Variants in CNTNAP2 observed in about 807,000 individuals in gnomAD.
The protein encoded by CNTNAP2 is contactin-associated protein-like 2.
CNTNAP2 carries 98 observed loss-of-function variants against 155.2 expected under a neutral mutation model. The ratio of observed to expected loss-of-function variants is 0.63; its 90% confidence interval spans 0.54 to 0.75. CNTNAP2 has a LOEUF of 0.75. Among genes scored for constraint, CNTNAP2 ranks in the 30% least tolerant of loss-of-function variants. The pLI is 0.00. For missense variants in CNTNAP2, 1,727 were observed against 1,688.1 expected (o/e 1.02, Z -0.40); for synonymous variants, 651 against 631.2 (o/e 1.03, Z -0.47).
chr7:146,716,181 A>G (rs344471), intron 1 of CNTNAP2, among the ~76,000 whole-genome samples: 7,426 of 147,154 alleles, frequency 0.05, 293 homozygotes, highest in African/African-American at 0.1. Context: ...TGAGAATTGT[A>G]TGGCGCATTG....
At chr7:147,037,470 T>A (rs1333070715) in intron 3 of CNTNAP2, among the ~76,000 whole-genome samples, 2 of 148,174 alleles carry the variant, frequency 1.3e-5, no homozygotes, top group Admixed American at 6.7e-5. Context: ...TTTTTTTTTT[T>A]TTTTTATTGA....
chr7:146,787,624 G>A (rs976015698), intron 2 of CNTNAP2, among the ~76,000 whole-genome samples: 3 of 152,128 alleles, frequency 2.0e-5, no homozygotes, highest in African/African-American at 7.2e-5. Context: ...GATTTATTGT[G>A]AAAAGCGAAA....
chr7:146,483,308 TATATATATATATATATATATAC>T (rs1334690652), intron 1 of CNTNAP2, among the ~76,000 whole-genome samples: 15,869 of 112,194 alleles, frequency 0.14, 1,651 homozygotes, highest in African/African-American at 0.25. Flanking sequence ...TATATATATA[TATATATATATATATATATATAC>T]ATATATATAT....
At chr7:146,698,777 A>T (rs913374343) in intron 1 of CNTNAP2, among the ~76,000 whole-genome samples, 2 of 152,064 alleles carry the variant, frequency 1.3e-5, no homozygotes, top group African/African-American at 4.8e-5. Flanking sequence ...CACATTTCGT[A>T]ACACTCATAC....
chr7:147,923,885 T>C (rs1273872871), intron 14 of CNTNAP2, among the ~76,000 whole-genome samples: 1 of 152,176 alleles, frequency 6.6e-6, no homozygotes, highest in Non-Finnish European at 1.5e-5. Flanking sequence ...TTCAGACTTC[T>C]AGCCTCCAGA....
chr7:146,646,456 G>C (rs948431690), intron 1 of CNTNAP2, among the ~76,000 whole-genome samples: 2 of 152,004 alleles, frequency 1.3e-5, no homozygotes, highest in African/African-American at 4.8e-5. Context: ...ATAATATATA[G>C]TAACAGTAAT....
In CNTNAP2 at chr7:148,175,861, C is replaced by T. The variant is rs866684391; in HGVS notation, c.3010+3383C>T. The stretch of plus-strand genomic sequence containing the variant: ...TCCTCCCCATCCTCCTTATCATCCT[C>T]CTCTTCTTCCCTTCTCTTCCTCCTT... On this transcript the variant is annotated intron_variant, in intron 18 of 23. Coordinates refer to ENST00000361727, the MANE Select transcript of CNTNAP2 (RefSeq NM_014141.6). Among the ~76,000 whole-genome samples the T allele has an allele frequency of 9.2e-5, 14 of 152,244 alleles. No homozygotes were observed. In the Middle Eastern group the frequency reaches 0.01, roughly 111 times the overall value.
At chr7:146,608,555 G>T (rs77770418) in intron 1 of CNTNAP2, among the ~76,000 whole-genome samples, 3,425 of 152,190 alleles carry the variant, frequency 0.023, 46 homozygotes, top group Middle Eastern at 0.041. Context: ...GTTCACAATT[G>T]CAGAGTCATA....
At chr7:147,673,001 T>C (rs1795813631) in intron 13 of CNTNAP2, 1 of 152,200 alleles carries the variant, frequency 6.6e-6, no homozygotes, top group Non-Finnish European at 1.5e-5. Context: ...CAACCATTAC[T>C]GGAGCATGCT....
intron 1 of CNTNAP2, among the ~76,000 whole-genome samples, chr7:146,232,696 T>TATTC (rs766584170): frequency 2.2e-4 from 34 of 152,152 alleles, no homozygotes; most frequent in African/African-American, 6.3e-4. Context: ...CCTATACACT[T>TATTC]ATTCATTCAT....
chr7:146,153,377 C>T (rs1584775455), intron 1 of CNTNAP2, among the ~76,000 whole-genome samples: 2 of 152,072 alleles, frequency 1.3e-5, no homozygotes, highest in East Asian at 1.9e-4. Context: ...TTTTAGGAAG[C>T]GTGGCCAAAT....
At chr7:146,416,975 G>A (rs1385860699) in intron 1 of CNTNAP2, among the ~76,000 whole-genome samples, 3 of 151,924 alleles carry the variant, frequency 2.0e-5, no homozygotes, top group Admixed American at 2.0e-4. Flanking sequence ...ACCTTCTATC[G>A]CCTGATTTTA....
intron 8 of CNTNAP2, among the ~76,000 whole-genome samples, chr7:147,191,319 T>A (rs1751025418): frequency 6.6e-6 from 1 of 152,218 alleles, no homozygotes; most frequent in Non-Finnish European, 1.5e-5. Flanking sequence ...AAGACCAGTT[T>A]TCATTAACAT....
At chr7:147,982,219 AT>A (rs1801543078) in intron 15 of CNTNAP2, among the ~76,000 whole-genome samples, 1 of 152,214 alleles carries the variant, frequency 6.6e-6, no homozygotes, top group South Asian at 2.1e-4. Flanking sequence ...CAGCCATATG[AT>A]GTAAAACTTT....
chr7:148,246,800 G>T (rs971645121), intron 20 of CNTNAP2, among the ~76,000 whole-genome samples: 3 of 152,198 alleles, frequency 2.0e-5, no homozygotes, highest in Non-Finnish European at 4.4e-5. Context: ...GTGGTAGAAA[G>T]TGCAGTTTCA....
rs1294253863 is a variant in CNTNAP2 at position 146,581,895 on chromosome 7, G to C, written c.98-192376G>C. 3.3e-5 allele frequency among the ~76,000 whole-genome samples: 5 copies of C among 151,924 alleles called. No individual in the cohort carries two copies. In the East Asian group the frequency reaches 7.7e-4, roughly 23 times the overall value. On this transcript the variant is annotated intron_variant, in intron 1 of 23. Coordinates refer to ENST00000361727, the MANE Select transcript of CNTNAP2 (RefSeq NM_014141.6). ...GCTTTTTTTTCTTATTGCCCAAAAT[G>C]ATGCAGTGAGAATTGATAAGATAAG...
At chr7:147,871,253 A>T (rs1321547227) in intron 13 of CNTNAP2, among the ~76,000 whole-genome samples, 1 of 152,198 alleles carries the variant, frequency 6.6e-6, no homozygotes, top group Non-Finnish European at 1.5e-5. Flanking sequence ...ATTAGGGGAA[A>T]GATGCCAGGG....
chr7:147,898,809 C>A (rs565286660), intron 13 of CNTNAP2, among the ~76,000 whole-genome samples: 1 of 152,276 alleles, frequency 6.6e-6, no homozygotes, highest in East Asian at 1.9e-4. Flanking sequence ...TGAGCCACCA[C>A]GTCCAGCCCC....
chr7:146,878,432 C>A (rs1038118070), intron 3 of CNTNAP2, among the ~76,000 whole-genome samples: 1 of 151,304 alleles, frequency 6.6e-6, no homozygotes, highest in Admixed American at 6.6e-5. Context: ...TTCCCTTTCC[C>A]ACAAGTACTC....
Sources: allele counts gnomAD v4.1 joint callset (sites outside exome capture counted in the v4.1 genomes callset), GRCh38; gene constraint gnomAD v4.1.1; transcripts MANE v1.5; gene names NCBI Gene and HGNC (gene_info 2026-07-23, HGNC 2026-07-21).